Variants in USP25 observed in about 807,000 individuals in gnomAD.
The protein encoded by USP25 is ubiquitin specific peptidase 25.
USP25 carries 85 observed loss-of-function variants against 158.5 expected under a neutral mutation model. That is an observed-to-expected ratio of 0.54 (90% CI 0.45 to 0.64). The LOEUF (loss-of-function observed/expected upper bound fraction) is 0.64, where lower values mean the gene tolerates loss of function less well. USP25 is among the 30% of genes least tolerant of loss of function. USP25 has a pLI of 0.00. For missense variants in USP25, 1,242 were observed against 1,327.3 expected (o/e 0.94, Z 1.00); for synonymous variants, 464 against 460.4 (o/e 1.01, Z -0.10).
At chr21:15,747,254 G>A (rs2032632120) in intron 1 of USP25, among the ~76,000 whole-genome samples, 1 of 152,000 alleles carries the variant, frequency 6.6e-6, no homozygotes, top group South Asian at 2.1e-4. Flanking sequence ...GACCCCCAGT[G>A]GATGCCTGAA....
Position 15,879,368 on chromosome 21 carries a change from A to C in USP25, c.*893A>C, listed in dbSNP as rs1194345679. 1 of 152,474 alleles carries C rather than the reference A, an allele frequency of 6.6e-6. No homozygotes were observed. The highest frequency in any genetic ancestry group is 2.4e-5 in the African/African-American group (1 of 41,438). 9.4% of individuals were successfully genotyped at this position (152,474 alleles called of 1,614,324 possible). On this transcript the variant is annotated 3_prime_UTR_variant, in exon 26 of 26. Coordinates refer to ENST00000400183, the MANE Select transcript of USP25 (RefSeq NM_001283041.3). ...CACATGTATATATATATTCTTCATA[A>C]TGGAGGACAATGTTTTGCAATATAT...
intron 5 of USP25, among the ~76,000 whole-genome samples, chr21:15,793,301 GA>G (rs1395717937): frequency 6.6e-6 from 1 of 151,184 alleles, no homozygotes; most frequent in Non-Finnish European, 1.5e-5. Context: ...AGTTCTGTTT[GA>G]AATGATAAAT....
chr21:15,867,412 G>A (rs1022457), intron 22 of USP25, among the ~76,000 whole-genome samples: 33,964 of 151,770 alleles, frequency 0.22, 5,312 homozygotes, highest in African/African-American at 0.45. Flanking sequence ...CTAGTTTGGC[G>A]TATAAGGTAA....
chr21:15,753,358 A>G (rs959517957), intron 1 of USP25, among the ~76,000 whole-genome samples: 3 of 152,210 alleles, frequency 2.0e-5, no homozygotes, highest in African/African-American at 4.8e-5. Context: ...GGTTTGGGAA[A>G]AAACAGGTGG....
intron 1 of USP25, among the ~76,000 whole-genome samples, chr21:15,731,501 G>C (rs913222486): frequency 6.6e-6 from 1 of 152,130 alleles, no homozygotes; most frequent in Non-Finnish European, 1.5e-5. Flanking sequence ...TTTAGAATAA[G>C]ACCTGTTCTA....
rs2035538918 is a variant in USP25 at position 15,790,646 on chromosome 21, G to A, written c.393-856G>A. ...GCTGATTTAGAATAATAAGTAACAA[G>A]TTTCTTTTTTTTTTTTTTTTTGGCT... On this transcript the variant is annotated intron_variant, in intron 4 of 25. Transcript: ENST00000400183. 4.2e-5 allele frequency among the ~76,000 whole-genome samples: 6 copies of A among 141,990 alleles called. 1 individual carries two copies. The East Asian group carries it at 1.2e-3, about 29-fold the overall frequency. 93.2% of individuals were successfully genotyped at this position (141,990 alleles called of 152,430 possible).
intron 16 of USP25, 39 bp from the exon 17 acceptor site, chr21:15,833,309 T>G: frequency 6.3e-7 from 1 of 1,575,794 alleles, no homozygotes; most frequent in Non-Finnish European, 8.6e-7. Context: ...TTCCCTTTAA[T>G]TCTTAATTTT....
Position 15,811,139 on chromosome 21 carries a change from A to T in USP25, c.860A>T (p.Asp287Val), listed in dbSNP as rs201402471. The T allele has an allele frequency of 1.2e-6, 2 of 1,610,534 alleles. No individual in the cohort carries two copies. The highest frequency in any genetic ancestry group is 4.5e-5 in the East Asian group (2 of 44,772). Residue 287 changes from aspartate to valine, a missense_variant and splice_region_variant, in exon 9 of 26, where the codon GAT becomes GTT. Asp to Val is a radical substitution (Grantham distance 152). Coordinates refer to ENST00000400183, the MANE Select transcript of USP25 (RefSeq NM_001283041.3). The stretch of plus-strand genomic sequence containing the variant: ...TTATATTTTTTAACATACTTTAGGG[A>T]TGAAGAGAAGCCAAAGAACCCCATG... ...AFQMKAEEET[D>V]EEKPKNPMVE...
intron 20 of USP25, among the ~76,000 whole-genome samples, chr21:15,853,423 C>A (rs2038986256): frequency 6.6e-6 from 1 of 152,128 alleles, no homozygotes; most frequent in Non-Finnish European, 1.5e-5. Context: ...ATCTTACCCT[C>A]TTTATGGACA....
At chr21:15,760,489 A>T (rs1310893548) in intron 1 of USP25, among the ~76,000 whole-genome samples, 1 of 152,220 alleles carries the variant, frequency 6.6e-6, no homozygotes, top group Non-Finnish European at 1.5e-5. Flanking sequence ...AATCTGTTAC[A>T]TGTAGCTGAA....
chr21:15,838,551 T>C (rs2038172026), intron 17 of USP25, among the ~76,000 whole-genome samples: 1 of 152,012 alleles, frequency 6.6e-6, no homozygotes, highest in South Asian at 2.1e-4. Flanking sequence ...GAATCTGAAG[T>C]TTCAAAAATT....
chr21:15,760,090 CTTTTT>C (rs2033638305), intron 1 of USP25, among the ~76,000 whole-genome samples: 1 of 152,192 alleles, frequency 6.6e-6, no homozygotes, highest in Non-Finnish European at 1.5e-5. Flanking sequence ...ACATTCTTTT[CTTTTT>C]GATAGCAGAA....
At chr21:15,848,793 T>C (rs2038749783) in intron 19 of USP25, among the ~76,000 whole-genome samples, 2 of 152,128 alleles carry the variant, frequency 1.3e-5, no homozygotes, top group African/African-American at 4.8e-5. Context: ...CAGAGAGTTT[T>C]CTCAAGCAGG....
chr21:15,797,118 G>T (rs2035898926), intron 5 of USP25, among the ~76,000 whole-genome samples: 1 of 151,342 alleles, frequency 6.6e-6, no homozygotes, highest in Non-Finnish European at 1.5e-5. Flanking sequence ...ATGACATAAA[G>T]ATGGGAGCAT....
chr21:15,812,502 T>C (rs189630455), intron 9 of USP25, among the ~76,000 whole-genome samples: 1 of 151,906 alleles, frequency 6.6e-6, no homozygotes, highest in Admixed American at 6.6e-5. Context: ...CAAAAAAAAA[T>C]TAGCCAGGCG....
In USP25 at chr21:15,767,094, A is replaced by G. The variant is rs193245591; in HGVS notation, c.268+953A>G. Among the ~76,000 whole-genome samples, 315 of 152,200 alleles carry G rather than the reference A, an allele frequency of 2.1e-3. 3 individuals are homozygous for G. The highest frequency in any genetic ancestry group is 3.8e-3 in the Non-Finnish European group (257 of 67,968). On this transcript the variant is annotated intron_variant, in intron 3 of 25. Transcript: ENST00000400183. ...TGATGGGAGAATGTTTGTAGCATATATAAGATAGACCTGTTTACTTAACGT... is the reference window on the plus strand; with the variant it reads ...TGATGGGAGAATGTTTGTAGCATATGTAAGATAGACCTGTTTACTTAACGT...
At chr21:15,764,529 CATTG>C (rs1186277829) in intron 2 of USP25, among the ~76,000 whole-genome samples, 1 of 151,968 alleles carries the variant, frequency 6.6e-6, no homozygotes, top group Non-Finnish European at 1.5e-5. Flanking sequence ...ACTGTAATGT[CATTG>C]ATTAATTTCA....
rs899770451 is a variant in USP25, at chr21:15,862,881, C to G, written c.2548-1387C>G. The stretch of plus-strand genomic sequence containing the variant: ...TTTTAATGAGTATGATATTACATAA[C>G]TAGAATATTTCATTTAATGTTTATC... On this transcript the variant is annotated intron_variant, in intron 20 of 25. Transcript: ENST00000400183. Among the ~76,000 whole-genome samples, 3 of 151,648 alleles carry G rather than the reference C, an allele frequency of 2.0e-5. No homozygotes were observed. The East Asian group carries it at 5.8e-4, about 29-fold the overall frequency.
chr21:15,763,323 G>A (rs1951491451), intron 2 of USP25, among the ~76,000 whole-genome samples: 1 of 152,068 alleles, frequency 6.6e-6, no homozygotes, highest in Admixed American at 6.6e-5. Flanking sequence ...AGAGGATGAG[G>A]TGTAAGAGAA....
Sources: allele counts gnomAD v4.1 joint callset (sites outside exome capture counted in the v4.1 genomes callset), GRCh38; gene constraint gnomAD v4.1.1; transcripts MANE v1.5; gene names NCBI Gene and HGNC (gene_info 2026-07-23, HGNC 2026-07-21).